Variants in CNTNAP4 observed in about 807,000 individuals in gnomAD.
CNTNAP4 encodes the protein contactin associated protein family member 4, also known as contactin-associated protein-like 4.
In CNTNAP4, 98 loss-of-function variants were observed where a neutral mutation model predicts 148.4. The ratio of observed to expected loss-of-function variants is 0.66; its 90% CI spans 0.56 to 0.78. CNTNAP4 has a LOEUF of 0.78. Among genes scored for constraint, CNTNAP4 ranks in the 30% least tolerant of loss-of-function variants. CNTNAP4 has a pLI of 0.00. For missense variants in CNTNAP4, 1,935 were observed against 1,565.6 expected, an observed-to-expected ratio of 1.24 and a Z score of -3.98; for synonymous variants, 730 against 565.1, an observed-to-expected ratio of 1.29 and a Z score of -4.14.
intron 21 of CNTNAP4, among the ~76,000 whole-genome samples, chr16:76,543,378 T>C (rs894693997): frequency 1.3e-5 from 2 of 152,228 alleles, no homozygotes; most frequent in African/African-American, 4.8e-5. Context: ...ACAAGAGTTA[T>C]TAATATTTCA....
intron 15 of CNTNAP4, among the ~76,000 whole-genome samples, chr16:76,514,643 T>C (rs374560941): frequency 6.6e-6 from 1 of 152,094 alleles, no homozygotes; most frequent in African/African-American, 2.4e-5. Flanking sequence ...TATATTGCTC[T>C]GCAAACCACA....
At chr16:76,388,661 A>G (rs73615729) in intron 3 of CNTNAP4, among the ~76,000 whole-genome samples, 1,673 of 152,352 alleles carry the variant, frequency 0.011, 27 homozygotes, top group African/African-American at 0.034. Flanking sequence ...TTATAAACAC[A>G]TATACATCTA....
At chr16:76,430,584 C>T (rs138646667) in intron 4 of CNTNAP4, among the ~76,000 whole-genome samples, 2 of 152,274 alleles carry the variant, frequency 1.3e-5, no homozygotes, top group Admixed American at 6.5e-5. Flanking sequence ...GAATCACAGC[C>T]ACAGGACATT....
At chr16:76,419,747 G>C (rs2144984805) in intron 3 of CNTNAP4, among the ~76,000 whole-genome samples, 1 of 152,094 alleles carries the variant, frequency 6.6e-6, no homozygotes, top group East Asian at 1.9e-4. Context: ...ATTACTTATA[G>C]TTCTTGAGGT....
intron 8 of CNTNAP4, among the ~76,000 whole-genome samples, chr16:76,457,649 C>G (rs7187256): frequency 0.35 from 52,535 of 151,780 alleles, 10,070 homozygotes; most frequent in Non-Finnish European, 0.42. Context: ...AGCACTGGCT[C>G]AGTGAAATAC....
chr16:76,515,797 G>C (rs1458782121), intron 15 of CNTNAP4, among the ~76,000 whole-genome samples: 1 of 151,396 alleles, frequency 6.6e-6, no homozygotes, highest in Non-Finnish European at 1.5e-5. Flanking sequence ...AAAGGACTAA[G>C]ATTTAAAAAA....
intron 1 of CNTNAP4, among the ~76,000 whole-genome samples, chr16:76,281,125 C>T (rs1156535190): frequency 6.6e-6 from 1 of 152,024 alleles, no homozygotes; most frequent in East Asian, 1.9e-4. Flanking sequence ...AGGCAAATTG[C>T]CTAAGTAGAT....
chr16:76,546,549 G>C (rs1217638211), intron 21 of CNTNAP4, among the ~76,000 whole-genome samples: 1 of 152,164 alleles, frequency 6.6e-6, no homozygotes, highest in Admixed American at 6.5e-5. Context: ...GGACCGTCTA[G>C]TTACAGGAAG....
chr16:76,301,311 T>G (rs781142799), intron 1 of CNTNAP4, among the ~76,000 whole-genome samples: 2 of 152,176 alleles, frequency 1.3e-5, no homozygotes, highest in African/African-American at 2.4e-5. Context: ...CAACTGATGA[T>G]TTTAAGTTCT....
chr16:76,460,773 A>ATATATATATATATATAT (rs1555564517), intron 8 of CNTNAP4, among the ~76,000 whole-genome samples: 13 of 57,328 alleles, frequency 2.3e-4, no homozygotes, highest in African/African-American at 8.4e-4. Context: ...AAAAAAAAAA[A>ATATATATATATATATAT]ATATATATAT....
chr16:76,551,256 CA>C (rs1410367750), intron 21 of CNTNAP4, among the ~76,000 whole-genome samples: 1 of 151,772 alleles, frequency 6.6e-6, no homozygotes, highest in Non-Finnish European at 1.5e-5. Flanking sequence ...ACTAAAAATA[CA>C]AAAAATTTAG....
intron 3 of CNTNAP4, among the ~76,000 whole-genome samples, chr16:76,370,416 G>T (rs1424298409): frequency 2.0e-5 from 3 of 152,110 alleles, no homozygotes; most frequent in African/African-American, 7.2e-5. Context: ...GAAGCAGTGG[G>T]TATCTTTTGG....
intron 10 of CNTNAP4, among the ~76,000 whole-genome samples, chr16:76,468,532 A>G (rs1360274124): frequency 6.6e-6 from 1 of 152,078 alleles, no homozygotes; most frequent in Admixed American, 6.6e-5. Flanking sequence ...CTGTCGCCCA[A>G]GCTAGAGTGC....
intron 8 of CNTNAP4, among the ~76,000 whole-genome samples, chr16:76,454,138 G>T (rs1255866117): frequency 1.4e-5 from 2 of 146,204 alleles, no homozygotes; most frequent in Non-Finnish European, 3.0e-5. Flanking sequence ...TTCTGAGATG[G>T]AGTTTTGCTC....
chr16:76,427,553 C>T lies in CNTNAP4; in HGVS notation c.492C>T (p.Pro164=). 2 of 1,612,944 alleles carry T rather than the reference C, an allele frequency of 1.2e-6. No individual in the cohort carries two copies. The highest frequency in any genetic ancestry group is 1.7e-6 in the Non-Finnish European group (2 of 1,179,344). ...GCTTCATCCCTTTGGAATGGAACCC[C>T]AAGGGCAGAATTGGAATGCGAATCG... is the stretch of plus-strand genomic sequence containing the variant. ...FLRFIPLEWN[P]KGRIGMRIEV... The change falls in exon 4 of 24, where the codon CCC becomes CCT. Residue 164 remains proline (P), a synonymous_variant. Transcript: ENST00000611870.
At position 76,340,753 on chromosome 16, in the gene CNTNAP4, A is replaced by T. The variant is rs141769281; in HGVS notation, c.197-14565A>T. ...CGTTTGCCTGCTAGTAGAACATTAT[A>T]TTTATTCAAGCGTGAGAACTCCTAA... On this transcript the variant is annotated intron_variant, in intron 2 of 23. Coordinates refer to ENST00000611870, the MANE Select transcript of CNTNAP4 (RefSeq NM_033401.5). 1.4e-3 allele frequency among the ~76,000 whole-genome samples: 206 copies of T among 152,292 alleles called. 3 individuals carry two copies. The East Asian group carries it at 0.03, about 22-fold the overall frequency.
chr16:76,440,780 A>G lies in CNTNAP4; in HGVS notation c.539-7232A>G, dbSNP rs989046641. 6.6e-4 allele frequency among the ~76,000 whole-genome samples: 101 copies of G among 152,140 alleles called. 2 individuals carry two copies. The highest frequency in any genetic ancestry group is 8.3e-4 in the South Asian group (4 of 4,834). ...AAGGGATTCTTTTCCATTGGTTCCA[A>G]TATAACTGGACCATAGAGCTCAGTT... is the stretch of plus-strand genomic sequence containing the variant. On this transcript the variant is annotated intron_variant, in intron 4 of 23. Transcript: ENST00000611870.
chr16:76,299,446 T>C (rs1299159515), intron 1 of CNTNAP4, among the ~76,000 whole-genome samples: 1 of 152,100 alleles, frequency 6.6e-6, no homozygotes, highest in Admixed American at 6.5e-5. Context: ...CACAATGAGA[T>C]ACCATCTCAC....
intron 11 of CNTNAP4, among the ~76,000 whole-genome samples, chr16:76,476,708 G>A (rs2081597310): frequency 6.6e-6 from 1 of 152,060 alleles, no homozygotes; most frequent in Non-Finnish European, 1.5e-5. Context: ...GGATTTCTCT[G>A]GGAAATCTTT....
Sources: allele counts gnomAD v4.1 joint callset (sites outside exome capture counted in the v4.1 genomes callset), GRCh38; gene constraint gnomAD v4.1.1; transcripts MANE v1.5; gene names NCBI Gene and HGNC (gene_info 2026-07-23, HGNC 2026-07-21).